The following PELI1 variants were observed in gnomAD, a reference collection of about 807,000 sequenced individuals.
PELI1 encodes E3 ubiquitin-protein ligase pellino homolog 1.
PELI1 carries 15 observed loss-of-function variants against 41.3 expected under a neutral mutation model. The ratio of observed to expected loss-of-function variants is 0.36; its 90% CI spans 0.24 to 0.56. The LOEUF (loss-of-function observed/expected upper bound fraction) is 0.56. Ranked by LOEUF, PELI1 falls within the 20% of genes least tolerant of loss-of-function variation. PELI1 has a pLI of 0.82. For missense variants in PELI1, 403 were observed against 525.5 expected, an observed-to-expected ratio of 0.77 and a Z score of 2.28; for synonymous variants, 178 against 180.1, an observed-to-expected ratio of 0.99 and a Z score of 0.09.
chr2:64,132,071 G>C (rs1298057705), intron 1 of PELI1, among the ~76,000 whole-genome samples: 1 of 152,186 alleles, frequency 6.6e-6, no homozygotes, highest in Non-Finnish European at 1.5e-5. Flanking sequence ...GAAAGGTACT[G>C]AATTGGCAAC....
At chr2:64,102,737 T>G (rs1156745591) in intron 3 of PELI1, among the ~76,000 whole-genome samples, 1 of 152,144 alleles carries the variant, frequency 6.6e-6, no homozygotes, top group East Asian at 1.9e-4. Flanking sequence ...AACGCAGGGT[T>G]TTAACTACTC....
At chr2:64,140,951 C>T (rs139285144) in intron 1 of PELI1, among the ~76,000 whole-genome samples, 79 of 152,050 alleles carry the variant, frequency 5.2e-4, no homozygotes, top group East Asian at 4.4e-3. Flanking sequence ...ATATAATAAG[C>T]ACTTCCCCTC....
chr2:64,144,157 G>A lies in PELI1; in HGVS notation c.-146C>T, dbSNP rs921292491. On this transcript the variant is annotated 5_prime_UTR_variant, in exon 1 of 7. Transcript: ENST00000358912. Reference sequence around the variant, plus strand: ...GAGAGGGTGAAGTGTTGTGCGCGGGGAGCGCGAGCAGACAGCCCGCCGTTC... The same window carrying A: ...GAGAGGGTGAAGTGTTGTGCGCGGGAAGCGCGAGCAGACAGCCCGCCGTTC... 6.6e-6 allele frequency: 1 copy of A among 152,180 alleles called. No individual in the cohort carries two copies. The highest frequency in any genetic ancestry group is 1.5e-5 in the Non-Finnish European group (1 of 68,056). 9.4% of individuals were successfully genotyped at this position (152,180 alleles called of 1,614,324 possible).
intron 2 of PELI1, among the ~76,000 whole-genome samples, chr2:64,105,784 C>T (rs1171680770): frequency 9.2e-5 from 14 of 152,190 alleles, no homozygotes; most frequent in Admixed American, 9.2e-4. Flanking sequence ...TTTCCTCATT[C>T]ACCGTCCACC....
rs1428599249 is a variant in PELI1 at position 64,109,182 on chromosome 2, C to T, written c.-69-803G>A. On this transcript the variant is annotated intron_variant, in intron 1 of 6. Transcript: ENST00000358912. ...AACAAGAAGGATCCTCTTCCTGAGG[C>T]ATCAGTAGAGGCTGAGTAGGGACCC... is the stretch of plus-strand genomic sequence containing the variant. Among the ~76,000 whole-genome samples the T allele has an allele frequency of 5.3e-5, 8 of 152,310 alleles. No individual in the cohort carries two copies. In the South Asian group the frequency reaches 1.4e-3, roughly 28 times the overall value.
At chr2:64,138,973 C>T (rs1681807342) in intron 1 of PELI1, among the ~76,000 whole-genome samples, 1 of 152,222 alleles carries the variant, frequency 6.6e-6, no homozygotes, top group Admixed American at 6.5e-5. Flanking sequence ...CTATGTTCCT[C>T]TCCCTTTCAA....
chr2:64,099,893 CAT>C (rs1427341676), intron 4 of PELI1, among the ~76,000 whole-genome samples: 1 of 152,120 alleles, frequency 6.6e-6, no homozygotes. Flanking sequence ...TGACCAAATA[CAT>C]GCTGAGAAAA....
chr2:64,128,505 C>T (rs1681460087), intron 1 of PELI1, among the ~76,000 whole-genome samples: 1 of 152,130 alleles, frequency 6.6e-6, no homozygotes, highest in Admixed American at 6.5e-5. Flanking sequence ...TTTCTCCTCA[C>T]ATCCCACCCC....
intron 1 of PELI1, among the ~76,000 whole-genome samples, chr2:64,141,312 C>CCCG (rs1444982980): frequency 7.5e-5 from 11 of 145,894 alleles, no homozygotes; most frequent in African/African-American, 2.1e-4. Context: ...CCGCCCCCAC[C>CCCG]CCAAAGGAGC....
intron 1 of PELI1, among the ~76,000 whole-genome samples, chr2:64,111,430 CA>C (rs1450081605): frequency 6.6e-6 from 1 of 152,074 alleles, no homozygotes; most frequent in Non-Finnish European, 1.5e-5. Flanking sequence ...TCAATAAATT[CA>C]AAAAATTATT....
chr2:64,143,258 A>C (rs1228199672), intron 1 of PELI1: 1 of 152,234 alleles, frequency 6.6e-6, no homozygotes. Flanking sequence ...AAGTCTTTAG[A>C]GGTTTTAAGA....
intron 1 of PELI1, among the ~76,000 whole-genome samples, chr2:64,111,688 G>A (rs915402631): frequency 6.6e-6 from 1 of 152,206 alleles, no homozygotes; most frequent in African/African-American, 2.4e-5. Flanking sequence ...AACCTTCAAG[G>A]TAAAAACTGA....
At chr2:64,096,347 G>T (rs1029620919) in intron 5 of PELI1, 34 bp from the exon 6 acceptor site, 6 of 1,593,632 alleles carry the variant, frequency 3.8e-6, no homozygotes, top group Non-Finnish European at 5.1e-6. Flanking sequence ...CTTCCAACTT[G>T]TAACTTGTAA....
chr2:64,140,786 G>GCAAAAAAAAAAA (rs1681877340), intron 1 of PELI1, among the ~76,000 whole-genome samples: 1 of 16,730 alleles, frequency 6.0e-5, no homozygotes, highest in Non-Finnish European at 8.5e-5. Flanking sequence ...AAGACAACAT[G>GCAAAAAAAAAAA]CAAAAAAAAA....
At chr2:64,128,113 G>A (rs1177414431) in intron 1 of PELI1, among the ~76,000 whole-genome samples, 1 of 152,116 alleles carries the variant, frequency 6.6e-6, no homozygotes, top group East Asian at 1.9e-4. Flanking sequence ...TCAAAACTGA[G>A]ATTCGAAGGT....
At chr2:64,101,404 T>C (rs1282595717) in intron 3 of PELI1, among the ~76,000 whole-genome samples, 1 of 151,772 alleles carries the variant, frequency 6.6e-6, no homozygotes, top group Non-Finnish European at 1.5e-5. Context: ...TGCTTATGAC[T>C]GTACTTCTGA....
intron 1 of PELI1, among the ~76,000 whole-genome samples, chr2:64,121,676 C>T (rs910352619): frequency 6.6e-6 from 1 of 152,188 alleles, no homozygotes; most frequent in Non-Finnish European, 1.5e-5. Flanking sequence ...AAGGCCAAGG[C>T]AGGTGGATCA....
chr2:64,135,499 A>G lies in PELI1; in HGVS notation c.-70+8582T>C, dbSNP rs372098884. On this transcript the variant is annotated intron_variant, in intron 1 of 6. Transcript: ENST00000358912. ...CCTTAATTCATTCCAAGTCTACTTT[A>G]TAAGTATAAAAATGGCAGACAAACA... Among the ~76,000 whole-genome samples the G allele has an allele frequency of 3.3e-5, 5 of 152,186 alleles. No individual in the cohort carries two copies. The East Asian group carries it at 9.6e-4, about 29-fold the overall frequency.
At chr2:64,143,768 G>A (rs1682000577) in intron 1 of PELI1, among the ~76,000 whole-genome samples, 2 of 152,148 alleles carry the variant, frequency 1.3e-5, no homozygotes, top group South Asian at 2.1e-4. Context: ...CACCCGCAGA[G>A]CTCCCCTCTC....
Sources: gnomAD v4.1 joint callset for allele counts (sites outside exome capture counted in the v4.1 genomes callset) on GRCh38, gnomAD v4.1.1 for gene constraint, MANE v1.5 for transcripts, NCBI Gene and HGNC (gene_info 2026-07-23, HGNC 2026-07-21) for gene names.